Variants in PDIA5 observed in about 807,000 individuals in gnomAD.
PDIA5 encodes the protein protein disulfide-isomerase A5.
Under a neutral mutation model 77.6 loss-of-function variants are expected in PDIA5, and 58 were observed. The observed-to-expected ratio is 0.75, with a 90% CI of 0.61 to 0.93. The LOEUF (loss-of-function observed/expected upper bound fraction) is 0.93. Ranked by LOEUF, PDIA5 falls within the 40% of genes least tolerant of loss-of-function variation. The probability of loss-of-function intolerance (pLI) is 0.00; values close to 1 mark genes in which losing one functional copy is unlikely to be tolerated. For missense variants in PDIA5, 630 were observed against 647.7 expected (o/e 0.97, Z 0.30); for synonymous variants, 250 against 252.1 (o/e 0.99, Z 0.08).
chr3:123,103,752 T>G (rs1391350814), intron 5 of PDIA5, among the ~76,000 whole-genome samples: 1 of 152,250 alleles, frequency 6.6e-6, no homozygotes, highest in Non-Finnish European at 1.5e-5. Flanking sequence ...ACTCATCACC[T>G]TAACACCTAC....
intron 1 of PDIA5, among the ~76,000 whole-genome samples, chr3:123,075,315 G>C (rs969035473): frequency 6.6e-6 from 1 of 152,318 alleles, no homozygotes; most frequent in Non-Finnish European, 1.5e-5. Context: ...GTTCAGGAGA[G>C]TGGGTGAAGT....
intron 13 of PDIA5, among the ~76,000 whole-genome samples, chr3:123,148,405 C>T (rs972354670): frequency 5.3e-5 from 8 of 151,654 alleles, no homozygotes; most frequent in South Asian, 2.1e-4. Context: ...CCACCTCTAC[C>T]GAAAATCAAA....
intron 3 of PDIA5, among the ~76,000 whole-genome samples, chr3:123,100,933 A>G (rs1397494079): frequency 6.6e-6 from 1 of 152,228 alleles, no homozygotes; most frequent in Non-Finnish European, 1.5e-5. Context: ...AAAGTTCCCC[A>G]AAAGATGACT....
chr3:123,113,601 G>A (rs1934920336), intron 7 of PDIA5, among the ~76,000 whole-genome samples: 1 of 152,174 alleles, frequency 6.6e-6, no homozygotes, highest in South Asian at 2.1e-4. Flanking sequence ...ATGCACGTGT[G>A]TATGATTTTT....
In PDIA5 at chr3:123,151,939, TCCTG is replaced by T. The variant is rs1328263076; in HGVS notation, c.1273+1583_1273+1586del. 1.4e-3 allele frequency among the ~76,000 whole-genome samples: 185 copies of T among 136,156 alleles called. 2 individuals are homozygous for T. Among genetic ancestry groups the T allele is most frequent in the African/African-American group, 5.0e-3 (174 of 34,586 alleles). 89.3% of individuals were successfully genotyped at this position (136,156 alleles called of 152,430 possible). Reference sequence around the variant, plus strand: ...TGCCTTCCTTCCTTCCTGCCTTCCTTCCTGCCTGCCTTCCTTCCTGCCTGCCTTC... The same window carrying T: ...TGCCTTCCTTCCTTCCTGCCTTCCTTCCTGCCTTCCTTCCTGCCTGCCTTC... On this transcript the variant is annotated intron_variant, in intron 14 of 16. Coordinates refer to ENST00000316218, the MANE Select transcript of PDIA5 (RefSeq NM_006810.4).
At position 123,146,105 on chromosome 3, in the gene PDIA5, G is replaced by A. The variant is rs758408495; in HGVS notation, c.988G>A (p.Gly330Ser). 3 of 1,614,012 alleles carry A rather than the reference G, an allele frequency of 1.9e-6. No individual in the cohort carries two copies. Among genetic ancestry groups the A allele is most frequent in the African/African-American group, 2.7e-5 (2 of 74,916 alleles). Residue 330 changes from glycine (G) to serine (S), a missense_variant, in exon 13 of 17, where the codon GGT (glycine) becomes AGT (serine). By Grantham distance (56) the Gly-to-Ser change is moderately conservative. Coordinates refer to ENST00000316218, the MANE Select transcript of PDIA5 (RefSeq NM_006810.4). ...EALHGEADSSGVLAAVDATVN... is the reference protein window; with the variant it reads ...EALHGEADSSSVLAAVDATVN... ...GGCCTTTCCCCCATCCCAGAGCTCT[G>A]GTGTCCTTGCAGCTGTCGATGCCAC...
At chr3:123,107,547 G>C (rs1934765977) in intron 6 of PDIA5, among the ~76,000 whole-genome samples, 1 of 152,106 alleles carries the variant, frequency 6.6e-6, no homozygotes, top group African/African-American at 2.4e-5. Flanking sequence ...GAATGCAAAA[G>C]CTGTGACACA....
intron 1 of PDIA5, among the ~76,000 whole-genome samples, chr3:123,069,988 G>A (rs920693608): frequency 1.5e-4 from 23 of 151,802 alleles, no homozygotes; most frequent in African/African-American, 5.3e-4. Flanking sequence ...TACTCAGAAG[G>A]CTGAGGCAGG....
chr3:123,137,030 A>G (rs903729683), intron 11 of PDIA5, among the ~76,000 whole-genome samples: 4 of 152,224 alleles, frequency 2.6e-5, no homozygotes, highest in African/African-American at 9.6e-5. Context: ...GTAAACATAT[A>G]TAATTGGGAA....
chr3:123,124,457 T>C (rs968146160), intron 10 of PDIA5, 114 bp downstream of exon 10: 2 of 792,502 alleles, frequency 2.5e-6, no homozygotes, highest in Admixed American at 3.5e-5. Flanking sequence ...AGGAAGGGAA[T>C]TGTGGTACTG....
chr3:123,078,643 T>C (rs993168114), intron 1 of PDIA5, among the ~76,000 whole-genome samples: 5 of 152,206 alleles, frequency 3.3e-5, no homozygotes, highest in Admixed American at 6.5e-5. Flanking sequence ...AGACATTCTC[T>C]TATGTAACCA....
chr3:123,067,530 G>C (rs1186860295), intron 1 of PDIA5: 1 of 334,480 alleles, frequency 3.0e-6, no homozygotes, highest in African/African-American at 2.1e-5. Flanking sequence ...GGACGCCGGC[G>C]GGCTGCGGGG....
intron 13 of PDIA5, among the ~76,000 whole-genome samples, chr3:123,149,946 C>T (rs897656974): frequency 2.0e-5 from 3 of 152,222 alleles, no homozygotes; most frequent in African/African-American, 7.2e-5. Flanking sequence ...TCAAGGAGTT[C>T]GTGGCCCACA....
intron 8 of PDIA5, among the ~76,000 whole-genome samples, chr3:123,119,683 TTG>T (rs1170703416): frequency 1.3e-5 from 2 of 152,188 alleles, no homozygotes; most frequent in African/African-American, 4.8e-5. Context: ...CAATTGCTTT[TTG>T]TCTTCACACA....
At chr3:123,083,760 C>A (rs1160754997) in intron 1 of PDIA5, among the ~76,000 whole-genome samples, 4 of 152,172 alleles carry the variant, frequency 2.6e-5, no homozygotes, top group Non-Finnish European at 5.9e-5. Context: ...TGGGTTGTGA[C>A]TTATGAAGTC....
intron 14 of PDIA5, among the ~76,000 whole-genome samples, chr3:123,150,814 C>T (rs751283687): frequency 2.0e-5 from 3 of 152,188 alleles, no homozygotes; most frequent in Non-Finnish European, 4.4e-5. Flanking sequence ...ACATTCGCTC[C>T]TGAGCTCCTG....
chr3:123,110,836 T>G, intron 6 of PDIA5, 108 bp from the exon 7 acceptor site: 1 of 932,486 alleles, frequency 1.1e-6, no homozygotes, highest in Non-Finnish European at 1.8e-6. Context: ...CCCCCTCCCC[T>G]CCCCATCCCT....
At chr3:123,134,921 C>G (rs113902525) in intron 11 of PDIA5, among the ~76,000 whole-genome samples, 2 of 152,082 alleles carry the variant, frequency 1.3e-5, no homozygotes, top group Admixed American at 1.3e-4. Flanking sequence ...GGCCAGGAGC[C>G]GCCTCTCTTG....
chr3:123,085,458 A>G (rs58230307), intron 1 of PDIA5, among the ~76,000 whole-genome samples: 9,269 of 152,160 alleles, frequency 0.061, 550 homozygotes, highest in African/African-American at 0.16. Flanking sequence ...GTGTGACTCC[A>G]AATGCTGGGT....
Sources: allele counts gnomAD v4.1 joint callset (sites outside exome capture counted in the v4.1 genomes callset), GRCh38; gene constraint gnomAD v4.1.1; transcripts MANE v1.5; gene names NCBI Gene and HGNC (gene_info 2026-07-23, HGNC 2026-07-21).